Variants in CTNNA2 observed in about 807,000 individuals in gnomAD.
The protein encoded by CTNNA2 is catenin alpha 2.
In CTNNA2, 42 loss-of-function variants were observed where a neutral mutation model predicts 101.0. That is an observed-to-expected ratio of 0.42 (90% CI 0.32 to 0.54). The LOEUF (loss-of-function observed/expected upper bound fraction) is 0.54. Ranked by LOEUF, CTNNA2 falls within the 20% of genes least tolerant of loss-of-function variation. The pLI is 0.14. For synonymous variants in CTNNA2, 450 were observed against 456.4 expected, an observed-to-expected ratio of 0.99 and a Z score of 0.18; for missense variants, 871 against 1,223.1, an observed-to-expected ratio of 0.71 and a Z score of 4.29.
chr2:80,456,638 G>T (rs553480544), intron 9 of CTNNA2, among the ~76,000 whole-genome samples: 10 of 152,318 alleles, frequency 6.6e-5, no homozygotes, highest in Admixed American at 4.6e-4. Context: ...GTGCAAGTTA[G>T]GCCCACATTG....
At chr2:80,412,451 G>A (rs1341592999) in intron 8 of CTNNA2, among the ~76,000 whole-genome samples, 63 of 152,298 alleles carry the variant, frequency 4.1e-4, no homozygotes, top group Non-Finnish European at 4.4e-5. Flanking sequence ...AACATGAGGA[G>A]TAGACTACTG....
chr2:79,269,491 C>T (rs1675033861), intron 2 of CTNNA2, among the ~76,000 whole-genome samples: 1 of 152,124 alleles, frequency 6.6e-6, no homozygotes, highest in African/African-American at 2.4e-5. Flanking sequence ...TCTGCACATA[C>T]TATAGAACAG....
At chr2:80,645,889 T>C (rs1198974410) in intron 18 of CTNNA2, among the ~76,000 whole-genome samples, 1 of 152,158 alleles carries the variant, frequency 6.6e-6, no homozygotes, top group Non-Finnish European at 1.5e-5. Flanking sequence ...AAAGCAATTA[T>C]ATAAAACATC....
intron 1 of CTNNA2, chr2:79,633,815 C>T (rs1414616654): frequency 6.6e-6 from 1 of 152,200 alleles, no homozygotes; most frequent in Non-Finnish European, 1.5e-5. Flanking sequence ...AGAACCATTG[C>T]AGAGCCTATG....
intron 7 of CTNNA2, among the ~76,000 whole-genome samples, chr2:80,262,281 T>C (rs536155060): frequency 1.3e-5 from 2 of 152,290 alleles, no homozygotes; most frequent in Admixed American, 6.5e-5. Flanking sequence ...ATTTTGATAA[T>C]CTTTCCATTT....
intron 2 of CTNNA2, among the ~76,000 whole-genome samples, chr2:79,257,396 G>C (rs752072128): frequency 3.3e-5 from 5 of 151,918 alleles, no homozygotes; most frequent in African/African-American, 1.2e-4. Context: ...GAGAAAGCAG[G>C]GGACACACAA....
chr2:79,421,724 T>G (rs2104502420), intron 4 of CTNNA2, among the ~76,000 whole-genome samples: 1 of 152,234 alleles, frequency 6.6e-6, no homozygotes, highest in Admixed American at 6.5e-5. Flanking sequence ...GTAGCAACTT[T>G]CCACTTCTTT....
At chr2:79,196,313 C>T (rs1673960703) in intron 1 of CTNNA2, among the ~76,000 whole-genome samples, 2 of 152,094 alleles carry the variant, frequency 1.3e-5, no homozygotes, top group South Asian at 4.1e-4. Context: ...TAGTGGTGCT[C>T]AAATATTCTC....
intron 7 of CTNNA2, among the ~76,000 whole-genome samples, chr2:80,219,026 T>C (rs910637739): frequency 3.3e-5 from 5 of 152,152 alleles, no homozygotes; most frequent in African/African-American, 1.2e-4. Context: ...GTACTTAGGT[T>C]ACTTGGATAT....
chr2:80,347,853 T>TTTTTTC (rs1270263893), intron 7 of CTNNA2, among the ~76,000 whole-genome samples: 1 of 151,798 alleles, frequency 6.6e-6, no homozygotes, highest in Non-Finnish European at 1.5e-5. Flanking sequence ...CTTTTTTTTT[T>TTTTTTC]TCCAGAAGGG....
At chr2:80,091,318 G>A (rs1370066575) in intron 7 of CTNNA2, among the ~76,000 whole-genome samples, 1 of 152,034 alleles carries the variant, frequency 6.6e-6, no homozygotes, top group African/African-American at 2.4e-5. Flanking sequence ...AAGGGCCATT[G>A]TCCACTCACA....
chr2:80,159,567 T>G (rs1319192093), intron 7 of CTNNA2, among the ~76,000 whole-genome samples: 1 of 152,184 alleles, frequency 6.6e-6, no homozygotes, highest in Non-Finnish European at 1.5e-5. Flanking sequence ...CTTCATATCT[T>G]TTGTCCATTT....
chr2:80,332,018 G>A (rs1484148395), intron 7 of CTNNA2, among the ~76,000 whole-genome samples: 3 of 152,090 alleles, frequency 2.0e-5, no homozygotes, highest in Non-Finnish European at 4.4e-5. Flanking sequence ...GTTTCTGTTG[G>A]ACAGGAGTCC....
intron 9 of CTNNA2, among the ~76,000 whole-genome samples, chr2:80,427,723 A>C (rs145801661): frequency 1.3e-5 from 2 of 152,336 alleles, no homozygotes; most frequent in South Asian, 2.1e-4. Context: ...ATCATCCATC[A>C]GTTCAGCACC....
intron 7 of CTNNA2, among the ~76,000 whole-genome samples, chr2:80,016,321 C>T (rs113399745): frequency 5.3e-5 from 8 of 152,176 alleles, no homozygotes; most frequent in African/African-American, 1.4e-4. Flanking sequence ...GAAGGCAGGG[C>T]GACAGTGCTG....
At chr2:80,308,524 C>A (rs183788289) in intron 7 of CTNNA2, among the ~76,000 whole-genome samples, 4 of 152,064 alleles carry the variant, frequency 2.6e-5, no homozygotes, top group African/African-American at 9.7e-5. Context: ...GGGCACATAC[C>A]ATACAGCTGG....
At chr2:79,731,783 G>A (rs943179514) in intron 2 of CTNNA2, among the ~76,000 whole-genome samples, 1 of 151,840 alleles carries the variant, frequency 6.6e-6, no homozygotes, top group African/African-American at 2.4e-5. Context: ...AGCCCTTAAT[G>A]TGCTCTCAAG....
At chr2:79,691,699 A>G (rs1012976602) in intron 2 of CTNNA2, among the ~76,000 whole-genome samples, 3 of 152,232 alleles carry the variant, frequency 2.0e-5, no homozygotes, top group Admixed American at 1.3e-4. Flanking sequence ...GGAACAGAAC[A>G]GAGGCCTCAG....
At chr2:80,317,048 G>C (rs1344458762) in intron 7 of CTNNA2, among the ~76,000 whole-genome samples, 1 of 152,004 alleles carries the variant, frequency 6.6e-6, no homozygotes, top group Non-Finnish European at 1.5e-5. Context: ...GCCATTTAAA[G>C]TGCCATGAGA....
Sources: allele counts gnomAD v4.1 joint callset (sites outside exome capture counted in the v4.1 genomes callset), GRCh38; gene constraint gnomAD v4.1.1; transcripts MANE v1.5; gene names NCBI Gene and HGNC (gene_info 2026-07-23, HGNC 2026-07-21).